FRMD4B: variants seen among roughly 807,000 people sequenced by gnomAD.
The protein encoded by FRMD4B is FERM domain containing 4B.
A neutral mutation model predicts 141.5 loss-of-function variants in FRMD4B; 74 were observed. The ratio of observed to expected loss-of-function variants is 0.52; its 90% confidence interval spans 0.43 to 0.63. FRMD4B has a LOEUF of 0.63. Ranked by LOEUF, FRMD4B falls within the 30% of genes least tolerant of loss-of-function variation. The pLI, the probability that FRMD4B is intolerant of heterozygous loss-of-function variation, is 0.00. For missense variants in FRMD4B, 1,366 were observed against 1,253.4 expected (o/e 1.09, Z -1.36); for synonymous variants, 506 against 467.9 (o/e 1.08, Z -1.05).
At chr3:69,199,165 G>A (rs896290731) in intron 11 of FRMD4B, 4 of 172,356 alleles carry the variant, frequency 2.3e-5, no homozygotes, top group Non-Finnish European at 3.8e-5. Flanking sequence ...CCAGCTACTC[G>A]GGAGGCTGAG....
intron 7 of FRMD4B, among the ~76,000 whole-genome samples, chr3:69,246,048 G>A (rs972634275): frequency 2.6e-5 from 4 of 151,990 alleles, no homozygotes; most frequent in African/African-American, 4.8e-5. Flanking sequence ...TGTTGGCCAG[G>A]CTGGTCTCGA....
chr3:69,354,823 G>A (rs1398477900), intron 1 of FRMD4B, among the ~76,000 whole-genome samples: 2 of 152,154 alleles, frequency 1.3e-5, no homozygotes, highest in Non-Finnish European at 2.9e-5. Context: ...ATGGCAGCCT[G>A]TAACAACTTC....
intron 11 of FRMD4B, among the ~76,000 whole-genome samples, chr3:69,206,756 A>G (rs2093027804): frequency 6.6e-6 from 1 of 152,208 alleles, no homozygotes; most frequent in African/African-American, 2.4e-5. Flanking sequence ...ATATATTGGC[A>G]GGTACTTGAT....
intron 3 of FRMD4B, among the ~76,000 whole-genome samples, chr3:69,305,858 A>G (rs1464542431): frequency 6.6e-6 from 1 of 152,228 alleles, no homozygotes; most frequent in African/African-American, 2.4e-5. Flanking sequence ...GCATAAACCA[A>G]TTATGTTAAC....
intron 5 of FRMD4B, among the ~76,000 whole-genome samples, chr3:69,285,302 C>T (rs192932941): frequency 6.6e-6 from 1 of 151,398 alleles, no homozygotes; most frequent in East Asian, 1.9e-4. Context: ...TCATATTCCC[C>T]CAAATCCCCA....
chr3:69,533,592 C>T (rs911235451), intron 1 of FRMD4B, among the ~76,000 whole-genome samples: 1 of 152,220 alleles, frequency 6.6e-6, no homozygotes, highest in Non-Finnish European at 1.5e-5. Context: ...GGAACTTATT[C>T]TGATCCAACA....
intron 7 of FRMD4B, among the ~76,000 whole-genome samples, chr3:69,226,804 G>A (rs1575631458): frequency 6.6e-6 from 1 of 152,200 alleles, no homozygotes; most frequent in East Asian, 1.9e-4. Flanking sequence ...AAAGGGAAAG[G>A]AGAATAGGGA....
At chr3:69,519,147 T>G (rs1700812565) in intron 1 of FRMD4B, among the ~76,000 whole-genome samples, 1 of 152,216 alleles carries the variant, frequency 6.6e-6, no homozygotes, top group Non-Finnish European at 1.5e-5. Flanking sequence ...AGTGGGTGTC[T>G]GGTTCTTAGA....
At chr3:69,265,548 C>G (rs1291624003) in intron 5 of FRMD4B, among the ~76,000 whole-genome samples, 2 of 147,412 alleles carry the variant, frequency 1.4e-5, no homozygotes, top group African/African-American at 5.0e-5. Flanking sequence ...GCCCGGTTCA[C>G]GCCATTCTCC....
In FRMD4B at chr3:69,198,733, C is replaced by G; in HGVS notation, c.918G>C (p.Glu306Asp). The G allele has an allele frequency of 1.9e-6, 3 of 1,569,636 alleles. No homozygotes were observed. The highest frequency in any genetic ancestry group is 2.6e-6 in the Non-Finnish European group (3 of 1,150,864). ...CATGAACTTCAACAGCAAATTTTTTCTCACGGAAATATAAGTTCTCCAGCT... is the reference window on the plus strand; with the variant it reads ...CATGAACTTCAACAGCAAATTTTTTGTCACGGAAATATAAGTTCTCCAGCT... ...WKQLENLYFR[E>D]KKFAVEVHDP... Residue 306 changes from glutamate to aspartate, a missense_variant, in exon 12 of 23, where the codon GAG (glutamate) becomes GAC (aspartate). Glu to Asp is a conservative substitution (Grantham distance 45, BLOSUM62 2). Coordinates refer to ENST00000398540, the MANE Select transcript of FRMD4B (RefSeq NM_015123.3).
chr3:69,530,651 AG>A (rs750974212), intron 1 of FRMD4B, among the ~76,000 whole-genome samples: 2 of 152,130 alleles, frequency 1.3e-5, no homozygotes, highest in Non-Finnish European at 2.9e-5. Context: ...TCCACAGAAA[AG>A]GTCTGCCAAC....
At chr3:69,421,193 T>G (rs1480585303) in intron 2 of FRMD4B, among the ~76,000 whole-genome samples, 4 of 152,158 alleles carry the variant, frequency 2.6e-5, no homozygotes, top group Admixed American at 6.5e-5. Context: ...GCCCCAGAGG[T>G]GCCAGTAGTC....
At chr3:69,263,817 CTTTTTTTTT>C (rs3032130) in intron 5 of FRMD4B, among the ~76,000 whole-genome samples, 2 of 68,520 alleles carry the variant, frequency 2.9e-5, no homozygotes, top group African/African-American at 6.0e-5. Flanking sequence ...AACCCCATTC[CTTTTTTTTT>C]TTTTTTTTTT....
At position 69,170,652 on chromosome 3, in the gene FRMD4B, C is replaced by A. The variant is rs770694968; in HGVS notation, c.*1209G>T. On this transcript the variant is annotated 3_prime_UTR_variant, in exon 23 of 23. Transcript: ENST00000398540. Reference sequence around the variant, plus strand: ...TTGAAGCAAAGATGACAAAAAAGATCAATCTGGAATATGGAAATCATTTGC... The same window carrying A: ...TTGAAGCAAAGATGACAAAAAAGATAAATCTGGAATATGGAAATCATTTGC... 7 of 152,018 alleles carry A rather than the reference C, an allele frequency of 4.6e-5. No individual in the cohort carries two copies. Among genetic ancestry groups the A allele is most frequent in the Non-Finnish European group, 1.0e-4 (7 of 67,990 alleles). The allele number at this position is 152,018 out of a possible 1,614,324, so 9.4% of individuals were successfully genotyped here.
At chr3:69,538,802 C>T (rs986382077) in intron 1 of FRMD4B, among the ~76,000 whole-genome samples, 7 of 152,000 alleles carry the variant, frequency 4.6e-5, no homozygotes, top group African/African-American at 9.7e-5. Flanking sequence ...TGACTGCCCA[C>T]GGCACATATT....
chr3:69,523,091 C>T, intron 1 of FRMD4B, among the ~76,000 whole-genome samples: 1 of 150,466 alleles, frequency 6.6e-6, no homozygotes, highest in Non-Finnish European at 1.5e-5. Flanking sequence ...AATTTTCTGA[C>T]CACCTGGAGA....
At chr3:69,239,142 G>C (rs1234439031) in intron 7 of FRMD4B, among the ~76,000 whole-genome samples, 1 of 152,208 alleles carries the variant, frequency 6.6e-6, no homozygotes, top group Non-Finnish European at 1.5e-5. Flanking sequence ...GTTTGACAGA[G>C]TCTATTGGCA....
intron 1 of FRMD4B, chr3:69,322,880 C>T (rs146589684): frequency 7.0e-4 from 141 of 201,834 alleles, no homozygotes; most frequent in African/African-American, 3.1e-3. Context: ...GGGTTATGGG[C>T]ATGAGATTTC....
At chr3:69,453,535 C>T (rs909962482) in intron 1 of FRMD4B, among the ~76,000 whole-genome samples, 1 of 152,202 alleles carries the variant, frequency 6.6e-6, no homozygotes, top group Non-Finnish European at 1.5e-5. Flanking sequence ...AACTCTGGCT[C>T]TCAAAGCTGC....
Sources: gnomAD v4.1 joint callset for allele counts (sites outside exome capture counted in the v4.1 genomes callset) on GRCh38, gnomAD v4.1.1 for gene constraint, MANE v1.5 for transcripts, NCBI Gene and HGNC (gene_info 2026-07-23, HGNC 2026-07-21) for gene names.